The following CSMD3 variants were observed in gnomAD, a reference collection of about 807,000 sequenced individuals.
CSMD3 encodes CUB and sushi domain-containing protein 3.
Under a neutral mutation model 435.2 loss-of-function variants are expected in CSMD3, and 177 were observed. The ratio of observed to expected loss-of-function variants is 0.41; its 90% CI spans 0.36 to 0.46. The LOEUF (loss-of-function observed/expected upper bound fraction) is 0.46, where lower values mean the gene tolerates loss of function less well. CSMD3 is among the 20% of genes least tolerant of loss of function. The probability of loss-of-function intolerance (pLI) is 0.34; values close to 1 mark genes in which losing one functional copy is unlikely to be tolerated. For missense variants in CSMD3, 4,265 were observed against 4,504.6 expected (o/e 0.95, Z 1.52); for synonymous variants, 1,656 against 1,520.5 (o/e 1.09, Z -2.07).
intron 27 of CSMD3, among the ~76,000 whole-genome samples, chr8:112,549,390 A>T (rs1320786482): frequency 6.6e-6 from 1 of 151,992 alleles, no homozygotes; most frequent in East Asian, 1.9e-4. Flanking sequence ...TATATATTTA[A>T]AGTGCAAATT....
At chr8:112,528,446 C>T (rs1825202071) in intron 27 of CSMD3, among the ~76,000 whole-genome samples, 1 of 151,932 alleles carries the variant, frequency 6.6e-6, no homozygotes, top group African/African-American at 2.4e-5. Flanking sequence ...TCATAACATG[C>T]TAGCAAGTAA....
rs2075920899 is a variant in CSMD3, at chr8:112,682,435, C to T, written c.2677+7G>A. 11 of 1,607,332 alleles carry T rather than the reference C, an allele frequency of 6.8e-6. No homozygotes were observed. Among genetic ancestry groups the T allele is most frequent in the Non-Finnish European group, 8.5e-6 (10 of 1,175,638 alleles). On this transcript the variant is annotated splice_region_variant and intron_variant, in intron 16 of 70. Transcript: ENST00000297405. ...AGGTTCTATTTCTCACTCACTACTA[C>T]ACTTACCTCCACATTTTGGAATCAG...
intron 1 of CSMD3, among the ~76,000 whole-genome samples, chr8:113,408,032 A>G (rs2094540790): frequency 6.6e-6 from 1 of 152,186 alleles, no homozygotes; most frequent in Admixed American, 6.5e-5. Flanking sequence ...AATAGTTAAA[A>G]ATTTTTTTAA....
intron 59 of CSMD3, among the ~76,000 whole-genome samples, chr8:112,274,190 T>G (rs974450356): frequency 2.7e-5 from 4 of 149,784 alleles, no homozygotes; most frequent in African/African-American, 9.9e-5. Context: ...ACCTTCCATC[T>G]GAAAGAACCA....
intron 32 of CSMD3, among the ~76,000 whole-genome samples, chr8:112,417,298 A>AT (rs1388075075): frequency 6.6e-6 from 1 of 152,158 alleles, no homozygotes; most frequent in Non-Finnish European, 1.5e-5. Flanking sequence ...GATTAACCAC[A>AT]TGGGAAAGCC....
intron 35 of CSMD3, among the ~76,000 whole-genome samples, chr8:112,398,023 CA>C (rs1280957542): frequency 6.6e-6 from 1 of 152,136 alleles, no homozygotes; most frequent in African/African-American, 2.4e-5. Context: ...TCTGTAAAAT[CA>C]AACAAACTAT....
chr8:113,347,454 A>C (rs1485408808), intron 1 of CSMD3, among the ~76,000 whole-genome samples: 1 of 152,122 alleles, frequency 6.6e-6, no homozygotes, highest in African/African-American at 2.4e-5. Context: ...TGTAATTCCC[A>C]AGAGTGGAGG....
At chr8:113,136,483 G>A (rs1374613712) in intron 4 of CSMD3, among the ~76,000 whole-genome samples, 1 of 151,524 alleles carries the variant, frequency 6.6e-6, no homozygotes, top group East Asian at 1.9e-4. Flanking sequence ...AGATGAAGAG[G>A]TAGACAAAGG....
At chr8:113,382,940 C>T (rs1034892876) in intron 1 of CSMD3, among the ~76,000 whole-genome samples, 2 of 152,148 alleles carry the variant, frequency 1.3e-5, no homozygotes, top group Non-Finnish European at 2.9e-5. Context: ...GAGATCGTGC[C>T]ACTGCACTCC....
At chr8:113,117,687 T>C (rs1392472807) in intron 4 of CSMD3, among the ~76,000 whole-genome samples, 1 of 152,164 alleles carries the variant, frequency 6.6e-6, no homozygotes, top group Non-Finnish European at 1.5e-5. Flanking sequence ...AGGAGAGGTG[T>C]TGTACACTAC....
chr8:113,358,749 C>A (rs1554619702), intron 1 of CSMD3, among the ~76,000 whole-genome samples: 1 of 151,556 alleles, frequency 6.6e-6, no homozygotes, highest in Non-Finnish European at 1.5e-5. Flanking sequence ...AAAAAGCATA[C>A]TGTATAATGC....
chr8:112,857,100 G>T (rs231304), intron 11 of CSMD3, among the ~76,000 whole-genome samples: 37,947 of 151,568 alleles, frequency 0.25, 5,555 homozygotes, highest in Non-Finnish European at 0.34. Flanking sequence ...GTGTGTGTGT[G>T]TGTGTCTGTG....
intron 36 of CSMD3, 115 bp from the exon 37 acceptor site, chr8:112,383,778 C>T (rs1829689350): frequency 4.0e-6 from 3 of 745,460 alleles, no homozygotes; most frequent in Admixed American, 4.0e-5. Flanking sequence ...ATAATTGTGA[C>T]CCTTCATAGA....
At chr8:112,326,189 T>C (rs183090377) in intron 45 of CSMD3, among the ~76,000 whole-genome samples, 29 of 152,252 alleles carry the variant, frequency 1.9e-4, no homozygotes, top group Admixed American at 1.7e-3. Flanking sequence ...GATTGTGAGG[T>C]GTGATGCAGC....
At chr8:112,246,693 G>A (rs1481532909) in intron 64 of CSMD3, among the ~76,000 whole-genome samples, 3 of 152,026 alleles carry the variant, frequency 2.0e-5, no homozygotes, top group East Asian at 3.9e-4. Flanking sequence ...TGGTTCCTCG[G>A]GTATTTTAGA....
chr8:112,354,944 T>C (rs1371758569), intron 38 of CSMD3, among the ~76,000 whole-genome samples: 1 of 152,172 alleles, frequency 6.6e-6, no homozygotes, highest in Non-Finnish European at 1.5e-5. Flanking sequence ...CATAGCCTAC[T>C]TCAAACTATA....
chr8:113,256,199 T>C, intron 3 of CSMD3, among the ~76,000 whole-genome samples: 1 of 152,318 alleles, frequency 6.6e-6, no homozygotes, highest in East Asian at 1.9e-4. Context: ...GTTGTGTTGA[T>C]AAATATCATA....
chr8:112,809,267 G>T (rs2079164880), intron 12 of CSMD3, among the ~76,000 whole-genome samples: 1 of 152,140 alleles, frequency 6.6e-6, no homozygotes, highest in South Asian at 2.1e-4. Flanking sequence ...TTGACCAGGA[G>T]ATTCGATTTA....
At chr8:113,247,091 C>G (rs956088048) in intron 3 of CSMD3, among the ~76,000 whole-genome samples, 1 of 152,296 alleles carries the variant, frequency 6.6e-6, no homozygotes, top group East Asian at 1.9e-4. Flanking sequence ...ATGTCAAAGG[C>G]TTTCAAAGTT....
Sources: gnomAD v4.1 joint callset for allele counts (sites outside exome capture counted in the v4.1 genomes callset) on GRCh38, gnomAD v4.1.1 for gene constraint, MANE v1.5 for transcripts, NCBI Gene and HGNC (gene_info 2026-07-23, HGNC 2026-07-21) for gene names.